Variants in DOK6 observed in about 807,000 individuals in gnomAD.
DOK6 encodes downstream of tyrosine kinase 6.
A neutral mutation model predicts 44.0 loss-of-function variants in DOK6; 22 were observed. The observed-to-expected ratio is 0.50, with a 90% confidence interval of 0.36 to 0.71. DOK6 has a LOEUF of 0.71. DOK6 is among the 30% of genes least tolerant of loss of function. The pLI is 0.00. For missense variants in DOK6, 340 were observed against 416.4 expected (o/e 0.82, Z 1.60); for synonymous variants, 166 against 145.5 (o/e 1.14, Z -1.01).
At chr18:69,630,030 T>C (rs547207645) in intron 3 of DOK6, among the ~76,000 whole-genome samples, 1 of 152,256 alleles carries the variant, frequency 6.6e-6, no homozygotes, top group South Asian at 2.1e-4. Flanking sequence ...CCTCCCAATG[T>C]GCCTATGGTC....
chr18:69,510,108 C>T (rs949983927), intron 1 of DOK6, among the ~76,000 whole-genome samples: 18 of 152,190 alleles, frequency 1.2e-4, no homozygotes, highest in Non-Finnish European at 2.4e-4. Flanking sequence ...GTTTCAGAAA[C>T]TTGCTATTAT....
intron 5 of DOK6, among the ~76,000 whole-genome samples, chr18:69,712,855 C>G (rs980634595): frequency 1.3e-5 from 2 of 152,096 alleles, no homozygotes; most frequent in Non-Finnish European, 2.9e-5. Context: ...TCAACAACAA[C>G]AAAAATGTGC....
At chr18:69,573,722 T>A (rs1020282935) in intron 2 of DOK6, among the ~76,000 whole-genome samples, 1 of 152,016 alleles carries the variant, frequency 6.6e-6, no homozygotes, top group Non-Finnish European at 1.5e-5. Context: ...TTTCTTTGTA[T>A]CAACCTTACT....
intron 1 of DOK6, among the ~76,000 whole-genome samples, chr18:69,538,740 T>C (rs75836574): frequency 0.084 from 12,840 of 152,088 alleles, 962 homozygotes; most frequent in East Asian, 0.25. Context: ...ATATTTCCTC[T>C]CTAGTTACTC....
chr18:69,681,881 A>G (rs1170047982), intron 4 of DOK6, among the ~76,000 whole-genome samples: 1 of 152,210 alleles, frequency 6.6e-6, no homozygotes, highest in Non-Finnish European at 1.5e-5. Context: ...AATGGACACA[A>G]AGGATAGGTC....
chr18:69,527,473 T>C (rs1981862510), intron 1 of DOK6, among the ~76,000 whole-genome samples: 1 of 152,104 alleles, frequency 6.6e-6, no homozygotes, highest in Non-Finnish European at 1.5e-5. Context: ...CCTGAGAACT[T>C]ACTCACTTTC....
chr18:69,540,528 T>C (rs1381794582), intron 1 of DOK6, among the ~76,000 whole-genome samples: 1 of 152,200 alleles, frequency 6.6e-6, no homozygotes, highest in African/African-American at 2.4e-5. Flanking sequence ...GGTGGATCCT[T>C]GTATTAAGTC....
chr18:69,844,222 G>A lies in DOK6; in HGVS notation c.*2839G>A, dbSNP rs1156405305. 6.6e-6 allele frequency: 1 copy of A among 152,144 alleles called. No individual in the cohort carries two copies. The highest frequency in any genetic ancestry group is 1.5e-5 in the Non-Finnish European group (1 of 68,036). 9.4% of individuals were successfully genotyped at this position (152,144 alleles called of 1,614,324 possible). On this transcript the variant is annotated 3_prime_UTR_variant, in exon 8 of 8. Transcript: ENST00000382713. ...TATGTGTATTTTTCAATGCGAGGGAGGAATTACTATGAACCAAAGATATCT... is the reference window on the plus strand; with the variant it reads ...TATGTGTATTTTTCAATGCGAGGGAAGAATTACTATGAACCAAAGATATCT...
chr18:69,720,722 A>T (rs2144723311), intron 5 of DOK6, among the ~76,000 whole-genome samples: 1 of 152,278 alleles, frequency 6.6e-6, no homozygotes, highest in African/African-American at 2.4e-5. Context: ...TCCCCTTAAA[A>T]TACTTATTTC....
chr18:69,744,611 T>A (rs1013376298), intron 6 of DOK6, among the ~76,000 whole-genome samples: 5 of 152,056 alleles, frequency 3.3e-5, no homozygotes, highest in African/African-American at 1.2e-4. Context: ...TAAAGAAAAT[T>A]TAGTCTAAAC....
intron 1 of DOK6, among the ~76,000 whole-genome samples, chr18:69,403,398 C>T (rs930213505): frequency 6.6e-6 from 1 of 152,172 alleles, no homozygotes; most frequent in Non-Finnish European, 1.5e-5. Flanking sequence ...TCATCTTGAA[C>T]GCCATTTCTG....
intron 5 of DOK6, among the ~76,000 whole-genome samples, chr18:69,706,524 T>A (rs76746109): frequency 0.45 from 68,208 of 151,308 alleles, 15,986 homozygotes; most frequent in East Asian, 0.71. Context: ...CTTTTTTTTT[T>A]TAATTTTATT....
chr18:69,537,378 C>T (rs376044944), intron 1 of DOK6, among the ~76,000 whole-genome samples: 2 of 152,106 alleles, frequency 1.3e-5, no homozygotes, highest in Non-Finnish European at 2.9e-5. Context: ...CTGAGAATAT[C>T]ATTATCACGG....
intron 7 of DOK6, among the ~76,000 whole-genome samples, chr18:69,804,821 C>A (rs1981007474): frequency 6.6e-6 from 1 of 152,150 alleles, no homozygotes. Flanking sequence ...GCTTGTTCTG[C>A]AGCCTCAGTT....
intron 3 of DOK6, among the ~76,000 whole-genome samples, chr18:69,650,703 A>G (rs1985201712): frequency 6.6e-6 from 1 of 152,186 alleles, no homozygotes; most frequent in Non-Finnish European, 1.5e-5. Flanking sequence ...TATTGTGCTT[A>G]CCTTGAACAG....
At chr18:69,697,425 T>C (rs201120764) in intron 4 of DOK6, among the ~76,000 whole-genome samples, 34,046 of 151,974 alleles carry the variant, frequency 0.22, 3,836 homozygotes, top group Middle Eastern at 0.29. Context: ...TCTTATGACT[T>C]TTTTTGTAAT....
intron 3 of DOK6, among the ~76,000 whole-genome samples, chr18:69,609,995 A>G (rs553246670): frequency 2.0e-5 from 3 of 152,322 alleles, no homozygotes; most frequent in African/African-American, 7.2e-5. Flanking sequence ...CCAAAGAATG[A>G]AATAGTAGTT....
At chr18:69,668,636 C>T (rs1287578169) in intron 3 of DOK6, among the ~76,000 whole-genome samples, 1 of 152,040 alleles carries the variant, frequency 6.6e-6, no homozygotes, top group Non-Finnish European at 1.5e-5. Flanking sequence ...TGAATTTCTG[C>T]AGTAGTTCTC....
At chr18:69,671,326 T>C (rs7240001) in intron 3 of DOK6, among the ~76,000 whole-genome samples, 56,778 of 152,124 alleles carry the variant, frequency 0.37, 10,870 homozygotes, top group Middle Eastern at 0.48. Flanking sequence ...AGAAAGTTGA[T>C]GTATCAACCT....
Sources: gnomAD v4.1 joint callset for allele counts (sites outside exome capture counted in the v4.1 genomes callset) on GRCh38, gnomAD v4.1.1 for gene constraint, MANE v1.5 for transcripts, NCBI Gene and HGNC (gene_info 2026-07-23, HGNC 2026-07-21) for gene names.